TXN2: variants seen among roughly 807,000 people sequenced by gnomAD.
TXN2 encodes the protein thioredoxin, mitochondrial.
TXN2 carries 12 observed loss-of-function variants against 14.6 expected under a neutral mutation model. The observed-to-expected ratio is 0.82, with a 90% CI of 0.53 to 1.33. The LOEUF is 1.33. Ranked by LOEUF, TXN2 falls within the 40% of genes most tolerant of loss-of-function variation. TXN2 has a pLI of 0.00. For missense variants in TXN2, 173 were observed against 207.7 expected (o/e 0.83, Z 1.03); for synonymous variants, 89 against 81.0 (o/e 1.10, Z -0.53).
intron 3 of TXN2, among the ~76,000 whole-genome samples, chr22:36,473,598 C>A (rs541538832): frequency 1.3e-5 from 2 of 152,186 alleles, no homozygotes; most frequent in South Asian, 4.1e-4. Flanking sequence ...CAGGAAGAAC[C>A]CTGGCTGGAG....
intron 3 of TXN2, among the ~76,000 whole-genome samples, chr22:36,470,279 C>T (rs1260163833): frequency 1.3e-5 from 2 of 152,210 alleles, no homozygotes; most frequent in African/African-American, 4.8e-5. Flanking sequence ...AGTCCTTGTC[C>T]TTGTTAGTGC....
rs117950144 is a variant in TXN2, at chr22:36,476,211, C to T, written c.387+522G>A. ...AATGACCTGGTGTTTTTGGGTCATA[C>T]GATCTACTTCCTAAAGGTGGTGAAG... On this transcript the variant is annotated intron_variant, in intron 3 of 3. Coordinates refer to ENST00000216185, the MANE Select transcript of TXN2 (RefSeq NM_012473.4). Among the ~76,000 whole-genome samples, 9 of 152,202 alleles carry T rather than the reference C, an allele frequency of 5.9e-5. No individual in the cohort carries two copies. The East Asian group carries it at 1.2e-3, about 20-fold the overall frequency.
chr22:36,470,452 G>A (rs1568975812), intron 3 of TXN2, among the ~76,000 whole-genome samples: 2 of 152,236 alleles, frequency 1.3e-5, no homozygotes, highest in Non-Finnish European at 2.9e-5. Context: ...GGCAGCTGGA[G>A]TGCCTCAAAG....
chr22:36,476,685 A>G, intron 3 of TXN2, 48 bp downstream of exon 3: 3 of 1,610,874 alleles, frequency 1.9e-6, no homozygotes, highest in Non-Finnish European at 2.5e-6. Context: ...CCTGGGCCTG[A>G]CACCTCCTAT....
chr22:36,469,392 A>T (rs1397814582), intron 3 of TXN2, among the ~76,000 whole-genome samples: 2 of 135,924 alleles, frequency 1.5e-5, no homozygotes, highest in African/African-American at 2.4e-5. Context: ...TGCTGTGATG[A>T]GTGACAGGGT....
At chr22:36,473,687 G>T (rs1463160667) in intron 3 of TXN2, among the ~76,000 whole-genome samples, 3 of 152,218 alleles carry the variant, frequency 2.0e-5, no homozygotes, top group African/African-American at 7.2e-5. Flanking sequence ...GGGCCTAGCA[G>T]CCTTGAGGCC....
At chr22:36,473,118 T>C (rs763915053) in intron 3 of TXN2, among the ~76,000 whole-genome samples, 35 of 151,958 alleles carry the variant, frequency 2.3e-4, no homozygotes, top group Non-Finnish European at 4.4e-4. Flanking sequence ...ACCAATCTGG[T>C]CAACATGGTG....
chr22:36,473,564 A>G (rs1052990601), intron 3 of TXN2, among the ~76,000 whole-genome samples: 4 of 152,156 alleles, frequency 2.6e-5, no homozygotes, highest in Non-Finnish European at 5.9e-5. Flanking sequence ...GGAAAGAAGG[A>G]AGGGAGGGAG....
chr22:36,479,157 C>T (rs1002504174), intron 2 of TXN2, among the ~76,000 whole-genome samples: 4 of 151,920 alleles, frequency 2.6e-5, no homozygotes, highest in Non-Finnish European at 4.4e-5. Context: ...ACAAAAACAA[C>T]TCATAACACT....
intron 3 of TXN2, 23 bp from the exon 4 acceptor site, chr22:36,467,940 T>TC: frequency 6.3e-7 from 1 of 1,599,276 alleles, no homozygotes; most frequent in Non-Finnish European, 8.6e-7. Context: ...GACAAGGGGG[T>TC]CCAAGTGAAT....
chr22:36,469,548 C>T (rs1439841427), intron 3 of TXN2, among the ~76,000 whole-genome samples: 1 of 152,214 alleles, frequency 6.6e-6, no homozygotes, highest in Non-Finnish European at 1.5e-5. Context: ...CAGGGACCTG[C>T]ATAGGTTATG....
intron 3 of TXN2, among the ~76,000 whole-genome samples, chr22:36,471,968 TAAA>T (rs59924757): frequency 6.0e-5 from 6 of 100,176 alleles, no homozygotes; most frequent in Non-Finnish European, 8.4e-5. Context: ...AGACCCCCTC[TAAA>T]AAAAAAAAAA....
At chr22:36,480,910 T>C in intron 1 of TXN2, 73 bp from the exon 2 acceptor site, 2 of 1,460,116 alleles carry the variant, frequency 1.4e-6, no homozygotes, top group Non-Finnish European at 1.8e-6. Context: ...ATTTGGGGAG[T>C]ACTCAGGGCT....
chr22:36,468,646 G>A (rs1038631603), intron 3 of TXN2: 16 of 450,080 alleles, frequency 3.6e-5, no homozygotes, highest in Non-Finnish European at 5.8e-5. Context: ...GATCGCTTGA[G>A]CCTGGGAGAC....
intron 3 of TXN2, among the ~76,000 whole-genome samples, chr22:36,472,878 G>A (rs1278492839): frequency 2.8e-5 from 3 of 105,278 alleles, no homozygotes; most frequent in Admixed American, 8.3e-5. Flanking sequence ...AAGTCAGTCC[G>A]GGGCCTTCAG....
At chr22:36,471,767 G>A (rs1316666187) in intron 3 of TXN2, among the ~76,000 whole-genome samples, 1 of 152,122 alleles carries the variant, frequency 6.6e-6, no homozygotes, top group Non-Finnish European at 1.5e-5. Flanking sequence ...TCAGGAATTC[G>A]AGACAAGGCC....
chr22:36,472,198 G>A (rs1032445583), intron 3 of TXN2, among the ~76,000 whole-genome samples: 1 of 152,154 alleles, frequency 6.6e-6, no homozygotes, highest in African/African-American at 2.4e-5. Flanking sequence ...TTGGAAAAAC[G>A]ATTATTGAAA....
At chr22:36,472,864 C>T (rs1933310851) in intron 3 of TXN2, among the ~76,000 whole-genome samples, 1 of 152,006 alleles carries the variant, frequency 6.6e-6, no homozygotes, top group Admixed American at 6.6e-5. Context: ...TTCCTCCCCA[C>T]AGAAAGTCAG....
chr22:36,474,649 G>A (rs1392846915), intron 3 of TXN2, among the ~76,000 whole-genome samples: 1 of 152,188 alleles, frequency 6.6e-6, no homozygotes, highest in Non-Finnish European at 1.5e-5. Context: ...ATCAGCATCT[G>A]CTTCCTATTA....
Sources: allele counts gnomAD v4.1 joint callset (sites outside exome capture counted in the v4.1 genomes callset), GRCh38; gene constraint gnomAD v4.1.1; transcripts MANE v1.5; gene names NCBI Gene and HGNC (gene_info 2026-07-23, HGNC 2026-07-21).